AHCYL2: variants seen among roughly 807,000 people sequenced by gnomAD.
AHCYL2 encodes the protein adenosylhomocysteinase like 2, also known as S-adenosylhomocysteine hydrolase-like protein 2.
AHCYL2 carries 28 observed loss-of-function variants against 81.4 expected under a neutral mutation model. The observed-to-expected ratio is 0.34, with a 90% CI of 0.25 to 0.47. AHCYL2 has a LOEUF of 0.47. Ranked by LOEUF, AHCYL2 falls within the 20% of genes least tolerant of loss-of-function variation. The pLI is 1.00. For synonymous variants in AHCYL2, 272 were observed against 290.2 expected (o/e 0.94, Z 0.64); for missense variants, 551 against 785.1 (o/e 0.70, Z 3.56).
chr7:129,334,385 A>G (rs921892854), intron 1 of AHCYL2, among the ~76,000 whole-genome samples: 4 of 151,868 alleles, frequency 2.6e-5, no homozygotes, highest in Non-Finnish European at 5.9e-5. Flanking sequence ...TTTTTCTTTC[A>G]TGGTTACTTC....
At chr7:129,356,411 C>T (rs1476593788) in intron 1 of AHCYL2, among the ~76,000 whole-genome samples, 1 of 152,166 alleles carries the variant, frequency 6.6e-6, no homozygotes, top group South Asian at 2.1e-4. Flanking sequence ...AATTCTCCTA[C>T]AGCCTTTCCA....
chr7:129,229,352 C>T (rs1451894109), intron 1 of AHCYL2, among the ~76,000 whole-genome samples: 1 of 152,158 alleles, frequency 6.6e-6, no homozygotes, highest in East Asian at 1.9e-4. Context: ...CAGATGTGAG[C>T]CATTAGCCTT....
intron 11 of AHCYL2, among the ~76,000 whole-genome samples, chr7:129,411,497 C>A (rs943373587): frequency 1.3e-5 from 2 of 152,138 alleles, no homozygotes; most frequent in Non-Finnish European, 2.9e-5. Context: ...CGGTGGCTCA[C>A]GCCTGTAATC....
At chr7:129,287,982 A>G (rs890750810) in intron 1 of AHCYL2, among the ~76,000 whole-genome samples, 3 of 152,220 alleles carry the variant, frequency 2.0e-5, no homozygotes, top group Admixed American at 6.5e-5. Flanking sequence ...ACATATCACT[A>G]TATCTCTAAA....
In AHCYL2 at chr7:129,405,108, TG is replaced by T; in HGVS notation, c.1038del (p.Ser347ProfsTer11). On this transcript the variant is annotated frameshift_variant, in exon 8 of 17. Coordinates refer to ENST00000325006, the MANE Select transcript of AHCYL2 (RefSeq NM_015328.4). LOFTEE classifies it high-confidence loss of function. ...SVTGVHRLYQ[L>X]SKAGKLCVPA... is the part of the protein sequence containing the mutation. ...TCCCTCATCCTCAGGCTGTACCAAC[TG>T]TCCAAAGCTGGGAAGCTGTGTGTTC... The T allele has an allele frequency of 6.2e-7, 1 of 1,602,062 alleles. No homozygotes were observed. Among genetic ancestry groups the T allele is most frequent in the South Asian group, 1.1e-5 (1 of 89,584 alleles).
At chr7:129,340,967 A>T (rs1377668671) in intron 1 of AHCYL2, among the ~76,000 whole-genome samples, 1 of 152,064 alleles carries the variant, frequency 6.6e-6, no homozygotes, top group Non-Finnish European at 1.5e-5. Flanking sequence ...TCAGTATATA[A>T]TTTTCCTTTG....
intron 1 of AHCYL2, among the ~76,000 whole-genome samples, chr7:129,265,822 T>C (rs1795794087): frequency 6.6e-6 from 1 of 152,108 alleles, no homozygotes; most frequent in African/African-American, 2.4e-5. Flanking sequence ...AGGAGACCAG[T>C]TAGGAGGTTA....
intron 1 of AHCYL2, among the ~76,000 whole-genome samples, chr7:129,247,220 A>G (rs1365604656): frequency 6.6e-6 from 1 of 152,212 alleles, no homozygotes; most frequent in African/African-American, 2.4e-5. Flanking sequence ...TTTTCTTTAC[A>G]TCCTTGCCAA....
chr7:129,389,359 G>A (rs928970869), intron 3 of AHCYL2, among the ~76,000 whole-genome samples, 160 bp downstream of exon 3: 1 of 147,162 alleles, frequency 6.8e-6, no homozygotes, highest in Admixed American at 6.9e-5. Flanking sequence ...GGGGAAATCT[G>A]GCAAGTCTAG....
At chr7:129,374,598 T>C (rs1261492222) in intron 1 of AHCYL2, among the ~76,000 whole-genome samples, 2 of 151,798 alleles carry the variant, frequency 1.3e-5, no homozygotes, top group Non-Finnish European at 2.9e-5. Flanking sequence ...ACTTGAGGTC[T>C]GGAGTTCAAG....
intron 1 of AHCYL2, among the ~76,000 whole-genome samples, chr7:129,369,782 C>T (rs2150858218): frequency 6.6e-6 from 1 of 152,128 alleles, no homozygotes; most frequent in South Asian, 2.1e-4. Context: ...GAACTCCTGA[C>T]CGTAGGTGAT....
At chr7:129,284,435 A>C (rs2056693) in intron 1 of AHCYL2, among the ~76,000 whole-genome samples, 142,500 of 151,848 alleles carry the variant, frequency 0.94, 67,506 homozygotes, top group East Asian at 1. Context: ...CCCATCTCTA[A>C]TAAAAATAAA....
chr7:129,260,905 C>T (rs904350950), intron 1 of AHCYL2, among the ~76,000 whole-genome samples: 1 of 152,172 alleles, frequency 6.6e-6, no homozygotes, highest in African/African-American at 2.4e-5. Flanking sequence ...TCTCCTGCCT[C>T]AGCCTCCCGA....
At chr7:129,378,598 C>T (rs967036830) in intron 1 of AHCYL2, among the ~76,000 whole-genome samples, 6 of 152,158 alleles carry the variant, frequency 3.9e-5, no homozygotes, top group African/African-American at 1.4e-4. Context: ...TAATGAGTGG[C>T]ATAGCCAGAA....
intron 2 of AHCYL2, among the ~76,000 whole-genome samples, chr7:129,382,591 C>CT (rs200040443): frequency 0.014 from 2,051 of 150,306 alleles, 47 homozygotes; most frequent in African/African-American, 0.048. Context: ...TAGAGTGAGA[C>CT]TTTTTTTTAT....
intron 1 of AHCYL2, among the ~76,000 whole-genome samples, chr7:129,250,880 T>A (rs985783887): frequency 6.6e-6 from 1 of 152,254 alleles, no homozygotes; most frequent in Non-Finnish European, 1.5e-5. Context: ...CCTTCAGTTT[T>A]TGAATTAGTC....
intron 1 of AHCYL2, among the ~76,000 whole-genome samples, chr7:129,284,904 T>C (rs180876254): frequency 2.0e-4 from 30 of 152,332 alleles, no homozygotes; most frequent in Admixed American, 1.9e-3. Flanking sequence ...CAAGTTTTAT[T>C]TTACTAATTT....
At chr7:129,235,900 T>G in intron 1 of AHCYL2, among the ~76,000 whole-genome samples, 1 of 152,192 alleles carries the variant, frequency 6.6e-6, no homozygotes, top group East Asian at 1.9e-4. Flanking sequence ...CTTAACTTGT[T>G]TTTTCTTTCT....
At chr7:129,405,744 C>A in intron 8 of AHCYL2, 92 bp from the exon 9 acceptor site, 7 of 1,222,688 alleles carry the variant, frequency 5.7e-6, no homozygotes, top group East Asian at 2.6e-5. Flanking sequence ...AAAAACCAAC[C>A]AAAAAACCCC....
Sources: allele counts gnomAD v4.1 joint callset (sites outside exome capture counted in the v4.1 genomes callset), GRCh38; gene constraint gnomAD v4.1.1; transcripts MANE v1.5; gene names NCBI Gene and HGNC (gene_info 2026-07-23, HGNC 2026-07-21).